Variants in URI1 observed in about 807,000 individuals in gnomAD.
URI1 encodes unconventional prefoldin RPB5 interactor 1.
URI1 carries 39 observed loss-of-function variants against 60.2 expected under a neutral mutation model. The observed-to-expected ratio is 0.65, with a 90% CI of 0.50 to 0.85. The LOEUF is 0.85. Among genes scored for constraint, URI1 ranks in the 40% least tolerant of loss-of-function variants. The probability of loss-of-function intolerance (pLI) is 0.00; values close to 1 mark genes in which losing one functional copy is unlikely to be tolerated. For synonymous variants in URI1, 251 were observed against 236.8 expected, an observed-to-expected ratio of 1.06 and a Z score of -0.55; for missense variants, 691 against 665.9, an observed-to-expected ratio of 1.04 and a Z score of -0.42.
At chr19:29,990,669 A>T (rs1009087150) in intron 4 of URI1, among the ~76,000 whole-genome samples, 1 of 152,210 alleles carries the variant, frequency 6.6e-6, no homozygotes, top group South Asian at 2.1e-4. Flanking sequence ...GAAAAGGTAA[A>T]TTTATAAAAG....
At chr19:29,934,604 T>G (rs2054952481) in intron 1 of URI1, among the ~76,000 whole-genome samples, 1 of 152,226 alleles carries the variant, frequency 6.6e-6, no homozygotes. Flanking sequence ...GGTGAGCTCA[T>G]AGCTCACTGC....
In URI1 at chr19:29,956,522, A is replaced by T. The variant is rs190073470; in HGVS notation, c.117+13858A>T. The T allele has an allele frequency of 7.7e-6, 12 of 1,562,910 alleles. No homozygotes were observed. In the East Asian group the frequency reaches 2.5e-4, roughly 32 times the overall value. The stretch of plus-strand genomic sequence containing the variant: ...GTGGGTTGCTGAATCAAAGCTGCTG[A>T]ATTTGAAACAAGCTCAGTGTCATTT... On this transcript the variant is annotated intron_variant, in intron 1 of 10. Coordinates refer to ENST00000392271, the MANE Select transcript of URI1 (RefSeq NM_003796.3).
At chr19:29,953,465 C>CT (rs1324827873) in intron 1 of URI1, among the ~76,000 whole-genome samples, 2 of 152,166 alleles carry the variant, frequency 1.3e-5, no homozygotes, top group Non-Finnish European at 1.5e-5. Flanking sequence ...CTTTTTTCCT[C>CT]TTTCCATTAT....
chr19:29,942,156 C>T (rs1372599675), upstream of URI1: 1 of 963,048 alleles, frequency 1.0e-6, no homozygotes, highest in African/African-American at 1.8e-5. Context: ...AGCGCACTCC[C>T]CTGGGGGCGG....
chr19:29,936,784 A>G (rs991481504), intron 1 of URI1, among the ~76,000 whole-genome samples: 2 of 150,948 alleles, frequency 1.3e-5, no homozygotes, highest in African/African-American at 4.9e-5. Flanking sequence ...ATAGAGTCTC[A>G]CTCTATTGCC....
chr19:29,964,198 C>T (rs962896564), intron 1 of URI1, among the ~76,000 whole-genome samples: 10 of 152,164 alleles, frequency 6.6e-5, no homozygotes, highest in African/African-American at 1.4e-4. Flanking sequence ...CTCCACAGTT[C>T]TCCCCTCTCT....
Position 30,011,029 on chromosome 19 carries a change from T to G in URI1, c.1036-65T>G. On this transcript the variant is annotated intron_variant, in intron 8 of 10. Transcript: ENST00000392271. ...TTATTTTTTTAGTTATAGAGTTTAT[T>G]TGTTTTGGTTTCACTTTGATTTAAT... is the stretch of plus-strand genomic sequence containing the variant. The G allele has an allele frequency of 2.0e-6, 3 of 1,531,264 alleles. No individual in the cohort carries two copies. In the South Asian group the frequency reaches 3.7e-5, roughly 19 times the overall value. 94.9% of individuals were successfully genotyped at this position (1,531,264 alleles called of 1,614,324 possible). A position where few individuals can be genotyped will look rare whatever the true frequency, so the allele number is the denominator to read the frequency against.
intron 3 of URI1, among the ~76,000 whole-genome samples, chr19:29,985,945 A>G (rs187811295): frequency 1.3e-3 from 195 of 152,334 alleles, no homozygotes; most frequent in Non-Finnish European, 1.9e-3. Context: ...TGCATTGACA[A>G]TGTTTCACTA....
At chr19:30,003,996 G>T (rs2055908666) in intron 4 of URI1, among the ~76,000 whole-genome samples, 1 of 151,962 alleles carries the variant, frequency 6.6e-6, no homozygotes. Flanking sequence ...GCTGTTATGT[G>T]ACCATGCTCG....
intron 1 of URI1, among the ~76,000 whole-genome samples, chr19:29,951,105 C>T (rs1300687849): frequency 6.6e-6 from 1 of 152,190 alleles, no homozygotes; most frequent in Non-Finnish European, 1.5e-5. Context: ...AAAACACACA[C>T]ACACATACAC....
chr19:29,955,994 T>A (rs1287720411), intron 1 of URI1, among the ~76,000 whole-genome samples: 6 of 151,690 alleles, frequency 4.0e-5, no homozygotes, highest in East Asian at 1.9e-4. Flanking sequence ...TTTTTTTTTT[T>A]ATTTTTTGAG....
chr19:30,009,190 A>G lies in URI1; in HGVS notation c.872A>G (p.Asn291Ser), dbSNP rs1441449831. The change falls in exon 8 of 11, where the codon AAT becomes AGT. Residue 291 changes from asparagine to serine, a missense_variant. Physicochemically the swap from Asn to Ser is conservative, Grantham distance 46. Transcript: ENST00000392271. ...QVNSQLNCSV[N>S]GSSSYHSDDD... ...AATAGTCAGTTGAACTGTTCAGTGA[A>G]TGGTTCCAGTTCTTACCACAGTGAT... The G allele has an allele frequency of 6.2e-7, 1 of 1,613,206 alleles. No homozygotes were observed. The highest frequency in any genetic ancestry group is 8.5e-7 in the Non-Finnish European group (1 of 1,179,882).
chr19:29,994,857 C>T (rs556838866), intron 4 of URI1, among the ~76,000 whole-genome samples: 2 of 151,618 alleles, frequency 1.3e-5, no homozygotes, highest in East Asian at 1.9e-4. Flanking sequence ...TCTTGGCTCA[C>T]TGCAGCCTCC....
At chr19:29,980,461 A>G (rs1396845224) in intron 2 of URI1, 1 of 151,916 alleles carries the variant, frequency 6.6e-6, no homozygotes, top group East Asian at 1.9e-4. Context: ...TTAAAAAATA[A>G]AAATTTAACT....
chr19:29,949,885 CAGAGGGAGACCATGGAGACAGAGGG>C (rs1303814565), intron 1 of URI1, among the ~76,000 whole-genome samples: 5 of 150,348 alleles, frequency 3.3e-5, no homozygotes, highest in African/African-American at 9.9e-5. Flanking sequence ...GGCTTGGCAT[CAGAGGGAGACCATGGAGACAGAGGG>C]AGAGGGAGAC....
chr19:29,976,038 C>T (rs916199389), intron 2 of URI1, among the ~76,000 whole-genome samples: 1 of 152,142 alleles, frequency 6.6e-6, no homozygotes, highest in African/African-American at 2.4e-5. Flanking sequence ...TTCCTCTTTA[C>T]CTCATTCCAT....
chr19:29,927,904 C>A (rs1026042609), intron 1 of URI1, among the ~76,000 whole-genome samples: 19 of 151,662 alleles, frequency 1.3e-4, no homozygotes, highest in African/African-American at 4.1e-4. Context: ...TGTGAGCTGG[C>A]CTTAGTGACT....
At chr19:29,931,403 T>C (rs1448849232) in intron 1 of URI1, among the ~76,000 whole-genome samples, 1 of 152,192 alleles carries the variant, frequency 6.6e-6, no homozygotes, top group Non-Finnish European at 1.5e-5. Context: ...ACTATGTCCT[T>C]GGATGGTCTT....
intron 2 of URI1, among the ~76,000 whole-genome samples, chr19:29,979,594 A>C (rs1006685390): frequency 3.9e-5 from 6 of 152,176 alleles, no homozygotes; most frequent in Admixed American, 3.9e-4. Context: ...GAAGAAATCT[A>C]GTAGAATGTT....
Sources: allele counts gnomAD v4.1 joint callset (sites outside exome capture counted in the v4.1 genomes callset), GRCh38; gene constraint gnomAD v4.1.1; transcripts MANE v1.5; gene names NCBI Gene and HGNC (gene_info 2026-07-23, HGNC 2026-07-21).